GSE1: variants seen among roughly 807,000 people sequenced by gnomAD.
GSE1 encodes the protein Gse1 coiled-coil protein, also known as genetic suppressor element 1.
A neutral mutation model predicts 112.6 loss-of-function variants in GSE1; 32 were observed. The ratio of observed to expected loss-of-function variants is 0.28; its 90% CI spans 0.21 to 0.38. GSE1 has a LOEUF of 0.38. GSE1 is among the 10% of genes least tolerant of loss of function. The pLI is 1.00. For synonymous variants in GSE1, 1,115 were observed against 735.6 expected (o/e 1.52, Z -8.35); for missense variants, 2,348 against 1,699.2 (o/e 1.38, Z -6.71).
At chr16:85,650,135 G>T (rs944800304) in intron 3 of GSE1, among the ~76,000 whole-genome samples, 1 of 152,188 alleles carries the variant, frequency 6.6e-6, no homozygotes, top group Non-Finnish European at 1.5e-5. Context: ...TCTGGAGACC[G>T]AGGGGCAGGG....
intron 2 of GSE1, among the ~76,000 whole-genome samples, chr16:85,468,110 T>TC (rs2050175972): frequency 6.6e-6 from 1 of 151,850 alleles, no homozygotes; most frequent in Non-Finnish European, 1.5e-5. Flanking sequence ...TTGACAGAGG[T>TC]CCCGATGGGA....
chr16:85,566,426 C>G (rs1367110788), intron 1 of GSE1, among the ~76,000 whole-genome samples: 10 of 152,242 alleles, frequency 6.6e-5, no homozygotes, highest in Admixed American at 6.5e-5. Context: ...CGTCCTGGCC[C>G]TCTCTCCACT....
chr16:85,265,393 G>A (rs1908131516), intron 1 of GSE1, among the ~76,000 whole-genome samples: 1 of 152,174 alleles, frequency 6.6e-6, no homozygotes, highest in African/African-American at 2.4e-5. Flanking sequence ...CAGAGTTGCT[G>A]TCCTCCCCCT....
At chr16:85,477,797 T>A (rs1470363558) in intron 2 of GSE1, among the ~76,000 whole-genome samples, 2 of 152,028 alleles carry the variant, frequency 1.3e-5, no homozygotes, top group African/African-American at 4.8e-5. Flanking sequence ...CCTGACCTTG[T>A]GATCCGCCCG....
rs2053620599 is a variant in GSE1, at chr16:85,675,268, C to T, written c.*2729C>T. ...AAAGCCCTCGGCTCGGTCCTTAGAC[C>T]ATCTTCCTACATTACCTGGAAGGGA... On this transcript the variant is annotated 3_prime_UTR_variant, in exon 16 of 16. Coordinates refer to ENST00000253458, the MANE Select transcript of GSE1 (RefSeq NM_014615.5). 1 of 152,164 alleles carries T rather than the reference C, an allele frequency of 6.6e-6. No individual in the cohort carries two copies. Among genetic ancestry groups the T allele is most frequent in the Non-Finnish European group, 1.5e-5 (1 of 68,028 alleles). 9.4% of individuals were successfully genotyped at this position (152,164 alleles called of 1,614,324 possible). A position where few individuals can be genotyped will look rare whatever the true frequency, so the allele number is the denominator to read the frequency against.
intron 2 of GSE1, among the ~76,000 whole-genome samples, chr16:85,531,416 T>C: frequency 6.6e-6 from 1 of 151,998 alleles, no homozygotes; most frequent in African/African-American, 2.4e-5. Flanking sequence ...GCACAGACTC[T>C]CGTCCATAGA....
chr16:85,611,333 A>G, upstream of GSE1: 1 of 11,250 alleles, frequency 8.9e-5, no homozygotes, highest in Non-Finnish European at 1.6e-4. Flanking sequence ...TCCCCCTCCC[A>G]GCCCTGGCCG....
chr16:85,321,092 T>C (rs1224447560), intron 1 of GSE1, among the ~76,000 whole-genome samples: 1 of 152,332 alleles, frequency 6.6e-6, no homozygotes, highest in Non-Finnish European at 1.5e-5. Flanking sequence ...ATGTTGTATG[T>C]GTATTTGCCA....
chr16:85,315,921 C>T (rs979100472), intron 1 of GSE1, among the ~76,000 whole-genome samples: 1 of 149,204 alleles, frequency 6.7e-6, no homozygotes, highest in Non-Finnish European at 1.5e-5. Flanking sequence ...CGGTGAAGCC[C>T]TAGTGGGAGG....
At chr16:85,216,683 T>G (rs2075311318) in intron 1 of GSE1, among the ~76,000 whole-genome samples, 1 of 152,116 alleles carries the variant, frequency 6.6e-6, no homozygotes, top group Admixed American at 6.5e-5. Context: ...ACACAGCAGG[T>G]GTAGAGGCTG....
At chr16:85,242,427 G>T (rs1288726906) in intron 1 of GSE1, among the ~76,000 whole-genome samples, 1 of 152,248 alleles carries the variant, frequency 6.6e-6, no homozygotes, top group African/African-American at 2.4e-5. Flanking sequence ...CCAAGCAGTT[G>T]GTGAAGGCCA....
At position 85,674,707 on chromosome 16, in the gene GSE1, A is replaced by T. The variant is rs902132682; in HGVS notation, c.*2168A>T. 4.6e-5 allele frequency: 7 copies of T among 152,172 alleles called. No individual in the cohort carries two copies. Among genetic ancestry groups the T allele is most frequent in the Non-Finnish European group, 7.3e-5 (5 of 68,038 alleles). 9.4% of individuals were successfully genotyped at this position (152,172 alleles called of 1,614,324 possible). A position where few individuals can be genotyped will look rare whatever the true frequency, so the allele number is the denominator to read the frequency against. Reference sequence around the variant, plus strand: ...GCTCATCCCTTACCATCCAAGGGGCACTCCCTTGGTTGGATTTTCTATGAC... The same window carrying T: ...GCTCATCCCTTACCATCCAAGGGGCTCTCCCTTGGTTGGATTTTCTATGAC... On this transcript the variant is annotated 3_prime_UTR_variant, in exon 16 of 16. Transcript: ENST00000253458.
rs550273111 is a variant in GSE1, at chr16:85,219,273, G to A, written c.2283+47466G>A. On this transcript the variant is annotated intron_variant, in intron 1 of 2. Transcript: ENST00000637419. The stretch of plus-strand genomic sequence containing the variant: ...AGGTGATCTGCCTGCCTTGGCCTCC[G>A]AAAGTGCTGGGATTACAGGCGTGAG... 7.9e-5 allele frequency among the ~76,000 whole-genome samples: 12 copies of A among 151,920 alleles called. No individual in the cohort carries two copies. In the South Asian group the frequency reaches 8.3e-4, roughly 11 times the overall value.
chr16:85,391,435 C>T lies in GSE1; in HGVS notation c.2464+33792C>T, dbSNP rs563004841. Among the ~76,000 whole-genome samples the T allele has an allele frequency of 9.9e-5, 15 of 152,272 alleles. No homozygotes were observed. The South Asian group carries it at 3.1e-3, about 32-fold the overall frequency. ...TCCCACAGTTCTGGAGGCCAGAAGT[C>T]CAAAATCAAGGGGTTGGCAGGGCCA... On this transcript the variant is annotated intron_variant, in intron 2 of 2. Coordinates refer to the GSE1 transcript ENST00000637419.
chr16:85,480,161 C>A (rs930573962), intron 2 of GSE1, among the ~76,000 whole-genome samples: 1 of 152,212 alleles, frequency 6.6e-6, no homozygotes, highest in Non-Finnish European at 1.5e-5. Context: ...AAGTAAGGAG[C>A]CAGGGTCATC....
intron 1 of GSE1, among the ~76,000 whole-genome samples, chr16:85,629,406 A>C (rs2151708415): frequency 6.6e-6 from 1 of 152,206 alleles, no homozygotes; most frequent in Non-Finnish European, 1.5e-5. Context: ...AGGTGAAATG[A>C]CCATACGGTG....
intron 1 of GSE1, among the ~76,000 whole-genome samples, chr16:85,186,707 G>T (rs529493514): frequency 6.6e-6 from 1 of 152,258 alleles, no homozygotes; most frequent in South Asian, 2.1e-4. Context: ...TGAGGCTGCA[G>T]TGAGCTATGA....
At chr16:85,392,238 G>A (rs1313677861) in intron 2 of GSE1, among the ~76,000 whole-genome samples, 5 of 152,292 alleles carry the variant, frequency 3.3e-5, no homozygotes, top group Middle Eastern at 3.4e-3. Flanking sequence ...ACAGGCGGCC[G>A]ACTCCTTCAG....
intron 2 of GSE1, among the ~76,000 whole-genome samples, chr16:85,523,419 C>T (rs2052257894): frequency 6.6e-6 from 1 of 152,234 alleles, no homozygotes; most frequent in African/African-American, 2.4e-5. Flanking sequence ...CAGGAAGGTG[C>T]TGGGTAAATA....
Sources: gnomAD v4.1 joint callset for allele counts (sites outside exome capture counted in the v4.1 genomes callset) on GRCh38, gnomAD v4.1.1 for gene constraint, MANE v1.5 for transcripts, NCBI Gene and HGNC (gene_info 2026-07-23, HGNC 2026-07-21) for gene names.